GAS2L3: variants seen among roughly 807,000 people sequenced by gnomAD.
GAS2L3 encodes the protein GAS2-like protein 3.
Under a neutral mutation model 37.0 loss-of-function variants are expected in GAS2L3, and 28 were observed. The observed-to-expected ratio is 0.76, with a 90% CI of 0.56 to 1.04. The LOEUF (loss-of-function observed/expected upper bound fraction) is 1.04. Ranked by LOEUF, GAS2L3 falls within the 50% of genes least tolerant of loss-of-function variation. The pLI is 0.00. For missense variants in GAS2L3, 793 were observed against 817.6 expected, an observed-to-expected ratio of 0.97 and a Z score of 0.37; for synonymous variants, 290 against 296.6, an observed-to-expected ratio of 0.98 and a Z score of 0.23.
intron 1 of GAS2L3, chr12:100,579,219 T>C: frequency 1.6e-6 from 1 of 617,414 alleles, no homozygotes; most frequent in Non-Finnish European, 3.0e-6. Context: ...CTTTCTGGAT[T>C]TGCTAAGGTC....
chr12:100,594,149 A>G (rs987584673), intron 2 of GAS2L3, among the ~76,000 whole-genome samples: 2 of 152,082 alleles, frequency 1.3e-5, no homozygotes, highest in African/African-American at 4.8e-5. Flanking sequence ...GCTATGAGCA[A>G]TAAAAAATCC....
At chr12:100,583,184 A>G (rs1955735459) in intron 1 of GAS2L3, among the ~76,000 whole-genome samples, 1 of 152,258 alleles carries the variant, frequency 6.6e-6, no homozygotes, top group Non-Finnish European at 1.5e-5. Context: ...TCCCTCTTAC[A>G]GGAACTCCTG....
At position 100,625,666 on chromosome 12, in the gene GAS2L3, CA is replaced by C. The variant is rs1290394186; in HGVS notation, c.*777del. 3.9e-5 allele frequency: 6 copies of C among 152,044 alleles called. No homozygotes were observed. The highest frequency in any genetic ancestry group is 1.4e-4 in the African/African-American group (6 of 41,394). The allele number at this position is 152,044 out of a possible 1,614,324, so 9.4% of individuals were successfully genotyped here. A position where few individuals can be genotyped will look rare whatever the true frequency, so the allele number is the denominator to read the frequency against. ...ATGTTTCACATGTTGTGCAATGTGACAGGGGAAGCTGATTTAGTAGCTTTTA... is the reference window on the plus strand; with the variant it reads ...ATGTTTCACATGTTGTGCAATGTGACGGGGAAGCTGATTTAGTAGCTTTTA... On this transcript the variant is annotated 3_prime_UTR_variant, in exon 10 of 10. Transcript: ENST00000547754.
At chr12:100,579,954 TC>T in intron 1 of GAS2L3, 1 of 795,578 alleles carries the variant, frequency 1.3e-6, no homozygotes, top group East Asian at 2.4e-5. Context: ...ATCAGTGGAA[TC>T]TGTGTTGCCA....
chr12:100,579,339 T>A, intron 1 of GAS2L3: 1 of 684,726 alleles, frequency 1.5e-6, no homozygotes, highest in Middle Eastern at 2.6e-4. Context: ...GCGGCACTGA[T>A]TACTGAAATA....
chr12:100,622,470 C>T lies in GAS2L3; in HGVS notation c.756+88C>T, dbSNP rs80208069. ...TTACTAACCTTTTGCTCTCCTTTTA[C>T]TTTTAAAAACATTGGAAAAGATGCT... On this transcript the variant is annotated intron_variant, in intron 9 of 9. Transcript: ENST00000547754. 1.0e-3 allele frequency: 651 copies of T among 637,050 alleles called. 6 individuals are homozygous for T. In the East Asian group the frequency reaches 0.017, roughly 17 times the overall value. The allele number at this position is 637,050 out of a possible 1,614,324, so 39.5% of individuals were successfully genotyped here.
chr12:100,579,909 G>T (rs1807432595), intron 1 of GAS2L3: 1 of 761,074 alleles, frequency 1.3e-6, no homozygotes, highest in Non-Finnish European at 2.4e-6. Context: ...CTGAAGGAAT[G>T]TTGTGGAGAG....
At position 100,600,564 on chromosome 12, in the gene GAS2L3, C is replaced by T; in HGVS notation, c.187+14C>T. On this transcript the variant is annotated intron_variant, in intron 4 of 9. Transcript: ENST00000547754. ...CTGGTTTATTAGGTGAGGCTTGAAACAATACCCAAAATTGTATTATCTTAT... is the reference window on the plus strand; with the variant it reads ...CTGGTTTATTAGGTGAGGCTTGAAATAATACCCAAAATTGTATTATCTTAT... 1 of 1,599,006 alleles carries T rather than the reference C, an allele frequency of 6.3e-7. No homozygotes were observed. Among genetic ancestry groups the T allele is most frequent in the Non-Finnish European group, 8.6e-7 (1 of 1,167,318 alleles).
intron 8 of GAS2L3, among the ~76,000 whole-genome samples, chr12:100,621,938 A>G (rs1593190893): frequency 6.6e-6 from 1 of 151,890 alleles, no homozygotes; most frequent in African/African-American, 2.4e-5. Flanking sequence ...TGAGAGAGAG[A>G]CAGACAGAGA....
chr12:100,601,881 C>G (rs903895574), intron 5 of GAS2L3, 128 bp downstream of exon 5: 42 of 454,368 alleles, frequency 9.2e-5, no homozygotes, highest in African/African-American at 8.3e-4. Flanking sequence ...TTTACTTAAC[C>G]CTTTTCAAGA....
chr12:100,580,048 T>G, intron 1 of GAS2L3: 1 of 1,445,852 alleles, frequency 6.9e-7, no homozygotes, highest in Non-Finnish European at 9.7e-7. Context: ...GTTTTCAACT[T>G]CCTCTTCCTC....
At chr12:100,600,628 G>C (rs1272137743) in intron 4 of GAS2L3, 78 bp downstream of exon 4, 4 of 1,164,300 alleles carry the variant, frequency 3.4e-6, no homozygotes, top group African/African-American at 3.1e-5. Flanking sequence ...CTTTGTCAAG[G>C]AGTGATTGTT....
chr12:100,598,848 T>C (rs1472231642), intron 3 of GAS2L3, among the ~76,000 whole-genome samples: 1 of 152,174 alleles, frequency 6.6e-6, no homozygotes, highest in African/African-American at 2.4e-5. Context: ...CTTACTTCTC[T>C]CATTCCATAT....
intron 5 of GAS2L3, among the ~76,000 whole-genome samples, chr12:100,605,870 T>C (rs1255028122): frequency 6.6e-6 from 1 of 151,820 alleles, no homozygotes; most frequent in Non-Finnish European, 1.5e-5. Context: ...TTTATGTTAT[T>C]TCAGGTTTTT....
chr12:100,605,262 G>C (rs142802097), intron 5 of GAS2L3, among the ~76,000 whole-genome samples: 2,283 of 151,878 alleles, frequency 0.015, 60 homozygotes, highest in African/African-American at 0.052. Context: ...CTTTGATCTT[G>C]TTACTTGTTA....
Position 100,604,476 on chromosome 12 carries a change from T to TTG in GAS2L3, c.303+2724_303+2725insGT, listed in dbSNP as rs1281267550. The stretch of plus-strand genomic sequence containing the variant: ...GAATTTGTTTATCAGCTGTAGTTGT[T>TTG]TTTTTTTTTTTTTTGAGTGTGGGGT... On this transcript the variant is annotated intron_variant, in intron 5 of 9. Transcript: ENST00000547754. Among the ~76,000 whole-genome samples the TTG allele has an allele frequency of 2.0e-5, 3 of 146,572 alleles. No homozygotes were observed. The East Asian group carries it at 6.0e-4, about 29-fold the overall frequency.
rs1459777933 is a variant in GAS2L3 at position 100,591,841 on chromosome 12, C to T, written c.-46C>T. 1 of 152,066 alleles carries T rather than the reference C, an allele frequency of 6.6e-6. No individual in the cohort carries two copies. The highest frequency in any genetic ancestry group is 1.9e-4 in the East Asian group (1 of 5,190). The allele number at this position is 152,066 out of a possible 1,614,324, so 9.4% of individuals were successfully genotyped here. A position where few individuals can be genotyped will look rare whatever the true frequency, so the allele number is the denominator to read the frequency against. On this transcript the variant is annotated 5_prime_UTR_variant, in exon 2 of 10. Transcript: ENST00000547754. Reference sequence around the variant, plus strand: ...ATGTGTTCAATACCTTCTACTACCCCATTGCTGTCTTTATGGTGAGTTATT... The same window carrying T: ...ATGTGTTCAATACCTTCTACTACCCTATTGCTGTCTTTATGGTGAGTTATT...
chr12:100,613,170 T>G (rs1405071108), intron 6 of GAS2L3, among the ~76,000 whole-genome samples: 1 of 152,224 alleles, frequency 6.6e-6, no homozygotes, highest in African/African-American at 2.4e-5. Context: ...TTCTCTAGTT[T>G]CTAGTTTATT....
At chr12:100,619,036 A>C (rs1956221989) in intron 8 of GAS2L3, among the ~76,000 whole-genome samples, 1 of 152,110 alleles carries the variant, frequency 6.6e-6, no homozygotes, top group Non-Finnish European at 1.5e-5. Flanking sequence ...GAACAAATAT[A>C]AGACATATTT....
Sources: allele counts gnomAD v4.1 joint callset (sites outside exome capture counted in the v4.1 genomes callset), GRCh38; gene constraint gnomAD v4.1.1; transcripts MANE v1.5; gene names NCBI Gene and HGNC (gene_info 2026-07-23, HGNC 2026-07-21).